The following CWC27 variants were observed in gnomAD, a reference collection of about 807,000 sequenced individuals.
CWC27 encodes the protein spliceosome-associated protein CWC27 homolog.
Under a neutral mutation model 63.6 loss-of-function variants are expected in CWC27, and 47 were observed. The ratio of observed to expected loss-of-function variants is 0.74; its 90% CI spans 0.58 to 0.94. CWC27 has a LOEUF of 0.94. CWC27 is among the 40% of genes least tolerant of loss of function. CWC27 has a pLI of 0.00. For synonymous variants in CWC27, 175 were observed against 179.8 expected, an observed-to-expected ratio of 0.97 and a Z score of 0.22; for missense variants, 495 against 554.3, an observed-to-expected ratio of 0.89 and a Z score of 1.07.
In CWC27 at chr5:64,862,728, A is replaced by G. The variant is rs148313011; in HGVS notation, c.939-22715A>G. On this transcript the variant is annotated intron_variant, in intron 10 of 13. Transcript: ENST00000381070. ...AGTCTCTTGAGTTTTGCTTTAGACC[A>G]TTCAAGCTACTTTAACAAAATACCA... Among the ~76,000 whole-genome samples, 164 of 152,256 alleles carry G rather than the reference A, an allele frequency of 1.1e-3. 1 individual carries two copies. In the East Asian group the frequency reaches 0.022, roughly 20 times the overall value.
chr5:64,825,264 C>A (rs1023377469), intron 10 of CWC27, among the ~76,000 whole-genome samples: 5 of 152,108 alleles, frequency 3.3e-5, no homozygotes, highest in African/African-American at 1.2e-4. Flanking sequence ...TATAGTTTTG[C>A]ATGTCTCTTC....
At chr5:64,903,146 A>AC (rs1325832136) in intron 11 of CWC27, among the ~76,000 whole-genome samples, 1 of 152,180 alleles carries the variant, frequency 6.6e-6, no homozygotes, top group East Asian at 1.9e-4. Flanking sequence ...AACCGGAAAT[A>AC]CCATTTGACC....
intron 12 of CWC27, among the ~76,000 whole-genome samples, chr5:64,973,207 G>T (rs1289306905): frequency 6.6e-6 from 1 of 152,212 alleles, no homozygotes; most frequent in African/African-American, 2.4e-5. Context: ...TTCGTACAAG[G>T]TATTTTTAAA....
intron 11 of CWC27, among the ~76,000 whole-genome samples, chr5:64,931,874 A>G (rs1430380665): frequency 6.6e-6 from 1 of 152,072 alleles, no homozygotes; most frequent in East Asian, 1.9e-4. Flanking sequence ...AATGATTTAT[A>G]GTAGTCATTG....
intron 13 of CWC27, among the ~76,000 whole-genome samples, chr5:64,987,946 G>T (rs1749466804): frequency 6.6e-6 from 1 of 152,134 alleles, no homozygotes; most frequent in African/African-American, 2.4e-5. Flanking sequence ...TATGCTTCTT[G>T]AATCTGTAGG....
intron 4 of CWC27, among the ~76,000 whole-genome samples, chr5:64,784,726 A>G (rs1743823270): frequency 6.6e-6 from 1 of 152,214 alleles, no homozygotes; most frequent in South Asian, 2.1e-4. Context: ...CTCTTGAAAA[A>G]CACTGAATGA....
At chr5:64,811,113 A>C (rs1580629472) in intron 10 of CWC27, among the ~76,000 whole-genome samples, 1 of 151,992 alleles carries the variant, frequency 6.6e-6, no homozygotes, top group Non-Finnish European at 1.5e-5. Flanking sequence ...TTTTAAAAAC[A>C]CTCCATGTAA....
chr5:64,849,567 G>C (rs1746080395), intron 10 of CWC27, among the ~76,000 whole-genome samples: 1 of 151,988 alleles, frequency 6.6e-6, no homozygotes, highest in Admixed American at 6.5e-5. Flanking sequence ...AGATCTAGTT[G>C]TTTAAAAGTA....
chr5:64,909,241 T>G (rs2112375492), intron 11 of CWC27, among the ~76,000 whole-genome samples: 1 of 152,186 alleles, frequency 6.6e-6, no homozygotes, highest in Non-Finnish European at 1.5e-5. Context: ...GCGTTTCTGC[T>G]GAGAGATTTC....
intron 7 of CWC27, 106 bp from the exon 8 acceptor site, chr5:64,800,142 G>A: frequency 1.5e-6 from 1 of 660,714 alleles, no homozygotes; most frequent in South Asian, 2.8e-5. Flanking sequence ...TACATCTTTT[G>A]CTAACCATAT....
rs541347751 is a variant in CWC27, at chr5:64,922,526, G to A, written c.1042+36980G>A. Among the ~76,000 whole-genome samples the A allele has an allele frequency of 3.4e-4, 51 of 152,166 alleles. 1 individual carries two copies. In the South Asian group the frequency reaches 6.8e-3, roughly 20 times the overall value. On this transcript the variant is annotated intron_variant, in intron 11 of 13. Transcript: ENST00000381070. The stretch of plus-strand genomic sequence containing the variant: ...ATGGTTATTTCATCTTTCAACTCTC[G>A]TATCAGTTTACTGTTTTCCTTGGAT...
intron 10 of CWC27, among the ~76,000 whole-genome samples, chr5:64,852,330 G>C (rs778986939): frequency 5.2e-4 from 79 of 152,240 alleles, no homozygotes; most frequent in Middle Eastern, 6.8e-3. Flanking sequence ...GAAATAAATG[G>C]CTACTAATAA....
intron 11 of CWC27, among the ~76,000 whole-genome samples, chr5:64,932,610 G>A (rs1029701035): frequency 1.3e-5 from 2 of 152,234 alleles, no homozygotes; most frequent in African/African-American, 4.8e-5. Flanking sequence ...CCAGCTATAG[G>A]AGGTTTTCAT....
At chr5:64,816,886 C>A (rs1745047180) in intron 10 of CWC27, among the ~76,000 whole-genome samples, 1 of 152,044 alleles carries the variant, frequency 6.6e-6, no homozygotes, top group Admixed American at 6.6e-5. Context: ...TATCACTTTG[C>A]AACACCCAGC....
At chr5:64,772,788 T>A (rs1219545705) in intron 1 of CWC27, among the ~76,000 whole-genome samples, 1 of 149,522 alleles carries the variant, frequency 6.7e-6, no homozygotes, top group Non-Finnish European at 1.5e-5. Flanking sequence ...ATACAAAAAA[T>A]TAGCTGGGTG....
chr5:64,791,404 T>C (rs1744075292), intron 7 of CWC27, among the ~76,000 whole-genome samples: 1 of 152,130 alleles, frequency 6.6e-6, no homozygotes, highest in Non-Finnish European at 1.5e-5. Flanking sequence ...CCAAAAGCAA[T>C]TTGCGTTTCA....
intron 10 of CWC27, among the ~76,000 whole-genome samples, chr5:64,819,589 C>T (rs1005067745): frequency 2.0e-5 from 3 of 151,948 alleles, no homozygotes; most frequent in African/African-American, 7.3e-5. Context: ...GCTGTCTTTG[C>T]CTGTCACCAT....
chr5:64,807,910 A>G lies in CWC27; in HGVS notation c.938+3524A>G, dbSNP rs539646612. The G allele has an allele frequency of 4.9e-6, 7 of 1,440,694 alleles. No homozygotes were observed. In the African/African-American group the frequency reaches 7.2e-5, roughly 15 times the overall value. The allele number at this position is 1,440,694 out of a possible 1,614,324, so 89.2% of individuals were successfully genotyped here. On this transcript the variant is annotated intron_variant, in intron 10 of 13. Transcript: ENST00000381070. ...TCCTGTCCCTACCTCCTTCCTATTT[A>G]TTTCTAAATACATATCATCTAGCTT...
At chr5:65,006,262 GA>G (rs1749838863) in intron 13 of CWC27, among the ~76,000 whole-genome samples, 1 of 152,100 alleles carries the variant, frequency 6.6e-6, no homozygotes, top group Admixed American at 6.5e-5. Flanking sequence ...AACTAATTCT[GA>G]GACCTTTAGT....
Sources: gnomAD v4.1 joint callset for allele counts (sites outside exome capture counted in the v4.1 genomes callset) on GRCh38, gnomAD v4.1.1 for gene constraint, MANE v1.5 for transcripts, NCBI Gene and HGNC (gene_info 2026-07-23, HGNC 2026-07-21) for gene names.